COL1A1: variants seen among roughly 807,000 people sequenced by gnomAD.
COL1A1 encodes collagen alpha-1(I) chain.
Under a neutral mutation model 195.7 loss-of-function variants are expected in COL1A1, and 21 were observed. The observed-to-expected ratio is 0.11, with a 90% CI of 0.08 to 0.15. The LOEUF is 0.15. COL1A1 is among the 10% of genes least tolerant of loss of function. The probability of loss-of-function intolerance (pLI) is 1.00; values close to 1 mark genes in which losing one functional copy is unlikely to be tolerated. For missense variants in COL1A1, 1,365 were observed against 2,051.0 expected (o/e 0.67, Z 6.46); for synonymous variants, 749 against 747.3 (o/e 1.00, Z -0.04).
chr17:50,186,878 G>T lies in COL1A1; in HGVS notation c.3576C>A (p.Pro1192=). 1 of 1,614,016 alleles carries T rather than the reference G, an allele frequency of 6.2e-7. No homozygotes were observed. The highest frequency in any genetic ancestry group is 8.5e-7 in the Non-Finnish European group (1 of 1,180,016). Residue 1192 remains proline (P), a synonymous_variant, in exon 48 of 51, where the codon CCC becomes CCA. Coordinates refer to ENST00000225964, the MANE Select transcript of COL1A1 (RefSeq NM_000088.4). The surrounding 1 kb of genome is among the most constrained non-coding windows in gnomAD (Gnocchi z 5.3). Reference sequence around the variant, plus strand: ...GGAAGCTGAAGTCGAAACCAGCGCTGGGAGGACCAGGGGGACCAGGAGGTC... The same window carrying T: ...GGAAGCTGAAGTCGAAACCAGCGCTTGGAGGACCAGGGGGACCAGGAGGTC... ...PPGPPGPPGP[P]SAGFDFSFLP...
At chr17:50,198,409 T>C (rs1907785509) in intron 6 of COL1A1, 24 bp downstream of exon 6, 1 of 1,610,920 alleles carries the variant, frequency 6.2e-7, no homozygotes, top group Non-Finnish European at 8.5e-7. Flanking sequence ...TCTTCTGTCA[T>C]CCATGCTCCC....
At position 50,184,474 on chromosome 17, in the gene COL1A1, A is replaced by AC. The variant is rs1202857123; in HGVS notation, c.*1027dup. 2 of 186,644 alleles carry AC rather than the reference A, an allele frequency of 1.1e-5. No homozygotes were observed. The highest frequency in any genetic ancestry group is 2.1e-5 in the Non-Finnish European group (2 of 95,032). 11.6% of individuals were successfully genotyped at this position (186,644 alleles called of 1,614,324 possible). On this transcript the variant is annotated 3_prime_UTR_variant, in exon 51 of 51. Transcript: ENST00000225964. ...TAGAAAAATTCACAAGTCCCCATCC[A>AC]CAAAAAAAAAAAAAAAAAAAGAAAA... is the stretch of plus-strand genomic sequence containing the variant.
intron 1 of COL1A1, among the ~76,000 whole-genome samples, chr17:50,200,396 T>C (rs1907981785): frequency 6.6e-6 from 1 of 151,622 alleles, no homozygotes; most frequent in Non-Finnish European, 1.5e-5. Context: ...CCCCATTCCC[T>C]GGGCAGGTGG....
Position 50,199,331 on chromosome 17 carries a change from C to T in COL1A1, c.370-4G>A. 6.4e-7 allele frequency: 1 copy of T among 1,570,350 alleles called. No individual in the cohort carries two copies. The highest frequency in any genetic ancestry group is 8.6e-7 in the Non-Finnish European group (1 of 1,157,772). Reference sequence around the variant, plus strand: ...GGCCAGGGGGGCCTGCGGGTCCCTGCAGGGGGAGAGGGCGGGGCCGGGGTG... The same window carrying T: ...GGCCAGGGGGGCCTGCGGGTCCCTGTAGGGGGAGAGGGCGGGGCCGGGGTG... On this transcript the variant is annotated splice_region_variant and splice_polypyrimidine_tract_variant and intron_variant, in intron 4 of 50. Coordinates refer to ENST00000225964, the MANE Select transcript of COL1A1 (RefSeq NM_000088.4).
intron 1 of COL1A1, among the ~76,000 whole-genome samples, chr17:50,200,705 C>A (rs1001018768): frequency 6.6e-6 from 1 of 152,218 alleles, no homozygotes; most frequent in Non-Finnish European, 1.5e-5. Flanking sequence ...GGGGCCGGGG[C>A]GGGGCCGACC....
At chr17:50,197,122 C>T (rs371952092) in intron 10 of COL1A1, 58 bp downstream of exon 10, 327 of 1,613,712 alleles carry the variant, frequency 2.0e-4, no homozygotes, top group Non-Finnish European at 2.7e-4. Context: ...GTGGACCCAG[C>T]TCCTAAATGA....
chr17:50,187,711 C>T, intron 45 of COL1A1, 165 bp downstream of exon 45: 1 of 903,878 alleles, frequency 1.1e-6, no homozygotes, highest in Non-Finnish European at 1.8e-6. Context: ...CTCTGTGTAC[C>T]CCTCACCCTC....
In COL1A1 at chr17:50,190,927, A is replaced by G. The variant is rs757714964; in HGVS notation, c.2236-3T>C. ...GCACCTTTGGGACCAGCATCACCCT[A>G]AAGACATGGATAAGCTTGAGATTTC... On this transcript the variant is annotated splice_region_variant and splice_polypyrimidine_tract_variant and intron_variant, in intron 32 of 50. Transcript: ENST00000225964. This position sits in a 1 kb window ranked among gnomAD's most constrained non-coding sequence, Gnocchi z 4.7. The G allele has an allele frequency of 1.7e-5, 27 of 1,613,578 alleles. No homozygotes were observed. The Admixed American group carries it at 4.3e-4, about 26-fold the overall frequency.
rs376024832 is a variant in COL1A1, at chr17:50,185,872, T to C, written c.4154A>G (p.Lys1385Arg). 47 of 1,614,018 alleles carry C rather than the reference T, an allele frequency of 2.9e-5. No homozygotes were observed. Among genetic ancestry groups the C allele is most frequent in the Non-Finnish European group, 3.9e-5 (46 of 1,180,020 alleles). The part of the protein sequence containing the change: ...AYMDQQTGNL[K>R]KALLLQGSNE... Reference sequence around the variant, plus strand: ...GGAGCCCTGGAGGAGCAGGGCCTTCTTGAGGTTGCCAGTCTGCTGGTCCAT... The same window carrying C: ...GGAGCCCTGGAGGAGCAGGGCCTTCCTGAGGTTGCCAGTCTGCTGGTCCAT... Residue 1385 changes from lysine (K) to arginine (R), a missense_variant, in exon 50 of 51, where the codon AAG (lysine) becomes AGG (arginine). Around this residue, in one of 5 missense-constraint regions of COL1A1, gnomAD observed 273 missense variants for 338.6 expected, o/e 0.81. Transcript: ENST00000225964.
At chr17:50,193,136 T>C (rs1907249300) in intron 25 of COL1A1, 89 bp from the exon 26 acceptor site, 3 of 1,316,932 alleles carry the variant, frequency 2.3e-6, no homozygotes, top group African/African-American at 1.4e-5. Context: ...TGGGACTTTT[T>C]AAGGGACTTT....
Position 50,187,921 on chromosome 17 carries a change from C to T in COL1A1, c.3324G>A (p.Lys1108=), listed in dbSNP as rs1382480077. 3.1e-6 allele frequency: 5 copies of T among 1,613,528 alleles called. No individual in the cohort carries two copies. The highest frequency in any genetic ancestry group is 4.2e-6 in the Non-Finnish European group (5 of 1,179,646). The part of the protein sequence containing the change: ...ETGEQGDRGI[K]GHRGFSGLQG... ...GGAGGCCAGAGAAGCCACGGTGACC[C>T]TTTATGCCTCTGTCGCCCTGTTCGC... The change falls in exon 45 of 51, where the codon AAG becomes AAA. Residue 1108 remains lysine (K), a synonymous_variant. Coordinates refer to ENST00000225964, the MANE Select transcript of COL1A1 (RefSeq NM_000088.4).
chr17:50,199,161 A>AT, intron 5 of COL1A1, 65 bp downstream of exon 5: 1 of 1,427,518 alleles, frequency 7.0e-7, no homozygotes, highest in Non-Finnish European at 9.2e-7. Context: ...GTATAAAATT[A>AT]TGTCATCTGC....
intron 29 of COL1A1, 30 bp from the exon 30 acceptor site, chr17:50,192,054 T>C (rs1199027551): frequency 6.2e-6 from 10 of 1,608,578 alleles, no homozygotes; most frequent in Non-Finnish European, 8.5e-7. Context: ...GAACAGACAG[T>C]GAGCAAAACC....
At position 50,190,735 on chromosome 17, in the gene COL1A1, C is replaced by T. The variant is rs1907001371; in HGVS notation, c.2343+82G>A. ...CTCAGTTTGGCAGGACCTGCTCTCCCAACGCAACCCCACGGAACCGTGCCC... is the reference window on the plus strand; with the variant it reads ...CTCAGTTTGGCAGGACCTGCTCTCCTAACGCAACCCCACGGAACCGTGCCC... On this transcript the variant is annotated intron_variant, in intron 33 of 50. Transcript: ENST00000225964. This position sits in a 1 kb window ranked among gnomAD's most constrained non-coding sequence, Gnocchi z 4.7. 1 of 1,498,270 alleles carries T rather than the reference C, an allele frequency of 6.7e-7. No homozygotes were observed. The highest frequency in any genetic ancestry group is 9.3e-7 in the Non-Finnish European group (1 of 1,078,202). 92.8% of individuals were successfully genotyped at this position (1,498,270 alleles called of 1,614,324 possible).
In COL1A1 at chr17:50,186,644, C is replaced by T; in HGVS notation, c.3810G>A (p.Lys1270=). The T allele has an allele frequency of 6.2e-7, 1 of 1,613,578 alleles. No homozygotes were observed. The highest frequency in any genetic ancestry group is 1.3e-5 in the African/African-American group (1 of 75,008). Residue 1270 remains lysine (K), a synonymous_variant, in exon 48 of 51, where the codon AAG becomes AAA. Transcript: ENST00000225964. The surrounding 1 kb of genome is among the most constrained non-coding windows in gnomAD (Gnocchi z 5.3). ...RDLKMCHSDW[K]SGEYWIDPNQ... Reference sequence around the variant, plus strand: ...GAGGCTAGGGCAGGCCCTCACCACTCTTCCAGTCAGAGTGGCACATCTTGA... The same window carrying T: ...GAGGCTAGGGCAGGCCCTCACCACTTTTCCAGTCAGAGTGGCACATCTTGA...
rs41316653 is a variant in COL1A1, at chr17:50,194,543, G to T, written c.1515+30C>A. 3 of 1,607,666 alleles carry T rather than the reference G, an allele frequency of 1.9e-6. No individual in the cohort carries two copies. The highest frequency in any genetic ancestry group is 2.5e-6 in the Non-Finnish European group (3 of 1,177,166). On this transcript the variant is annotated intron_variant, in intron 22 of 50. Transcript: ENST00000225964. This position sits in a 1 kb window ranked among gnomAD's most constrained non-coding sequence, Gnocchi z 6.8. ...AAGAAGATGCCCAGGGAGCGGCAGG[G>T]TCAGCCCCCCGGCCGCAAGGAGAGG... is the stretch of plus-strand genomic sequence containing the variant.
intron 1 of COL1A1, 172 bp from the exon 2 acceptor site, chr17:50,200,119 G>A: frequency 1.4e-6 from 1 of 712,772 alleles, no homozygotes; most frequent in South Asian, 1.6e-5. Context: ...GCGGGTGACA[G>A]CGCCGAGGCG....
At chr17:50,199,190 CAG>C (rs1257472127) in intron 5 of COL1A1, 34 bp downstream of exon 5, 5 of 1,431,014 alleles carry the variant, frequency 3.5e-6, no homozygotes, top group Middle Eastern at 2.6e-4. Context: ...AAAAACAAAA[CAG>C]GGGAGAGTGG....
At chr17:50,201,001 T>C (rs780807636) in intron 1 of COL1A1, among the ~76,000 whole-genome samples, 22 of 152,220 alleles carry the variant, frequency 1.4e-4, no homozygotes, top group Non-Finnish European at 2.8e-4. Context: ...AGCAACACTC[T>C]AGCCCGCAGA....
Sources: allele counts gnomAD v4.1 joint callset (sites outside exome capture counted in the v4.1 genomes callset), GRCh38; gene constraint gnomAD v4.1.1; regional missense constraint gnomAD v4.1.1; non-coding constraint Gnocchi (gnomAD v3.1); transcripts MANE v1.5; gene names NCBI Gene and HGNC (gene_info 2026-07-23, HGNC 2026-07-21).